The following PLBD1 variants were observed in gnomAD, a reference collection of about 807,000 sequenced individuals.
PLBD1 encodes the protein lysosomal leucine aminopeptidase.
PLBD1 carries 60 observed loss-of-function variants against 63.0 expected under a neutral mutation model. The ratio of observed to expected loss-of-function variants is 0.95; its 90% confidence interval spans 0.77 to 1.18. The LOEUF (loss-of-function observed/expected upper bound fraction) is 1.18. Ranked by LOEUF, PLBD1 falls within the 50% of genes most tolerant of loss-of-function variation. PLBD1 has a pLI of 0.00. For missense variants in PLBD1, 598 were observed against 677.9 expected (o/e 0.88, Z 1.31); for synonymous variants, 262 against 248.0 (o/e 1.06, Z -0.53).
In PLBD1 at chr12:14,520,636, AGG is replaced by A. The variant is rs1468461222; in HGVS notation, c.845-8927_845-8926del. On this transcript the variant is annotated intron_variant, in intron 6 of 10. Coordinates refer to ENST00000240617, the MANE Select transcript of PLBD1 (RefSeq NM_024829.6). ...GTGTTCCGAAGGAGTACAATAAGGG[AGG>A]GGCAGAGACCCAGTGGAGCATGGAG... 6.6e-5 allele frequency among the ~76,000 whole-genome samples: 10 copies of A among 152,338 alleles called. No individual in the cohort carries two copies. The East Asian group carries it at 1.9e-3, about 29-fold the overall frequency.
intron 1 of PLBD1, among the ~76,000 whole-genome samples, chr12:14,558,674 G>A (rs952342383): frequency 2.0e-5 from 3 of 151,980 alleles, no homozygotes; most frequent in Non-Finnish European, 2.9e-5. Flanking sequence ...ATTTCTCATC[G>A]TAAGCACCCC....
At chr12:14,505,276 A>G (rs1248417708) in intron 10 of PLBD1, among the ~76,000 whole-genome samples, 1 of 152,144 alleles carries the variant, frequency 6.6e-6, no homozygotes, top group East Asian at 1.9e-4. Context: ...CAGCATTCCT[A>G]TAATTTTTTG....
intron 6 of PLBD1, among the ~76,000 whole-genome samples, chr12:14,531,480 T>C (rs1945461237): frequency 6.6e-6 from 1 of 152,188 alleles, no homozygotes; most frequent in African/African-American, 2.4e-5. Flanking sequence ...TGACCACAAA[T>C]GCAAGCCTTA....
At chr12:14,532,503 C>A (rs981542210) in intron 6 of PLBD1, among the ~76,000 whole-genome samples, 25 of 152,068 alleles carry the variant, frequency 1.6e-4, no homozygotes, top group African/African-American at 6.0e-4. Context: ...ATGAGAGTCA[C>A]CCCAGGTCAT....
intron 2 of PLBD1, among the ~76,000 whole-genome samples, chr12:14,548,792 CA>C (rs1403718779): frequency 1.3e-5 from 2 of 152,204 alleles, no homozygotes; most frequent in Non-Finnish European, 2.9e-5. Context: ...CACAAAGTAG[CA>C]AAACAAGTGT....
intron 2 of PLBD1, among the ~76,000 whole-genome samples, chr12:14,547,937 G>A (rs1356736039): frequency 6.6e-6 from 1 of 152,004 alleles, no homozygotes; most frequent in East Asian, 1.9e-4. Context: ...CAAGCGTCGT[G>A]ACTTTCAGCT....
chr12:14,560,184 T>C (rs1245265182), intron 1 of PLBD1, among the ~76,000 whole-genome samples: 2 of 152,172 alleles, frequency 1.3e-5, no homozygotes, highest in Admixed American at 1.3e-4. Context: ...TATGAGTTCA[T>C]TGTTTTCAGT....
chr12:14,528,980 T>C (rs916878701), intron 6 of PLBD1, among the ~76,000 whole-genome samples: 1 of 152,086 alleles, frequency 6.6e-6, no homozygotes, highest in Non-Finnish European at 1.5e-5. Flanking sequence ...TAATAACTTT[T>C]CAACAAATAA....
chr12:14,517,837 T>TA (rs1945347479), intron 6 of PLBD1, among the ~76,000 whole-genome samples: 1 of 152,222 alleles, frequency 6.6e-6, no homozygotes, highest in Non-Finnish European at 1.5e-5. Context: ...CAACTGATTT[T>TA]AAAAATACCC....
At chr12:14,547,186 G>GTGTGTA (rs1945622877) in intron 2 of PLBD1, among the ~76,000 whole-genome samples, 1 of 128,680 alleles carries the variant, frequency 7.8e-6, no homozygotes, top group African/African-American at 3.4e-5. Flanking sequence ...GGCTTTGTGT[G>GTGTGTA]TGTGTGTGTG....
At chr12:14,528,802 C>T (rs1274983848) in intron 6 of PLBD1, among the ~76,000 whole-genome samples, 1 of 151,924 alleles carries the variant, frequency 6.6e-6, no homozygotes, top group African/African-American at 2.4e-5. Flanking sequence ...ACAGATCCTA[C>T]AGACATTAAG....
chr12:14,525,123 G>C (rs1945406573), intron 6 of PLBD1, among the ~76,000 whole-genome samples: 2 of 152,120 alleles, frequency 1.3e-5, no homozygotes, highest in Admixed American at 1.3e-4. Context: ...TTAGCCCAGT[G>C]TAGTGGTGCA....
chr12:14,545,599 A>C (rs1340479801), intron 2 of PLBD1, among the ~76,000 whole-genome samples: 1 of 152,158 alleles, frequency 6.6e-6, no homozygotes, highest in African/African-American at 2.4e-5. Context: ...CTTTTCACTG[A>C]TGTAGGGAGT....
rs1945506449 is a variant in PLBD1, at chr12:14,535,638, T to A, written c.844+21A>T. On this transcript the variant is annotated intron_variant, in intron 6 of 10. Coordinates refer to ENST00000240617, the MANE Select transcript of PLBD1 (RefSeq NM_024829.6). ...AGGAATAGTACTCAAAGTGCTCAGA[T>A]GTTCCTTTAAATTCATTTACCTGGG... 4.3e-6 allele frequency: 7 copies of A among 1,612,832 alleles called. No individual in the cohort carries two copies. In the East Asian group the frequency reaches 1.6e-4, roughly 36 times the overall value.
intron 2 of PLBD1, among the ~76,000 whole-genome samples, chr12:14,542,548 CAT>C (rs888202747): frequency 3.9e-5 from 6 of 152,156 alleles, no homozygotes; most frequent in Admixed American, 6.5e-5. Flanking sequence ...ATATTTGCCA[CAT>C]ATATTTTAAA....
chr12:14,521,074 T>C (rs748444646), intron 6 of PLBD1, among the ~76,000 whole-genome samples: 6 of 152,206 alleles, frequency 3.9e-5, no homozygotes, highest in Non-Finnish European at 8.8e-5. Context: ...AAGTACACTG[T>C]GCTTGTAAAC....
chr12:14,504,340 G>A (rs567273411), intron 10 of PLBD1, among the ~76,000 whole-genome samples: 2 of 152,268 alleles, frequency 1.3e-5, no homozygotes, highest in East Asian at 1.9e-4. Flanking sequence ...ATGAGCCACC[G>A]CGCCAGGCCG....
chr12:14,508,717 C>T (rs917370647), intron 8 of PLBD1, among the ~76,000 whole-genome samples: 2 of 152,132 alleles, frequency 1.3e-5, no homozygotes, highest in Non-Finnish European at 2.9e-5. Context: ...TTGTAGTGAG[C>T]CGAGATCACG....
At chr12:14,553,154 G>A (rs1490663894) in intron 2 of PLBD1, 39 bp downstream of exon 2, 3 of 1,534,724 alleles carry the variant, frequency 2.0e-6, no homozygotes, top group Admixed American at 1.9e-5. Flanking sequence ...AAGGACAGGG[G>A]TTGCCTGGCA....
Sources: allele counts gnomAD v4.1 joint callset (sites outside exome capture counted in the v4.1 genomes callset), GRCh38; gene constraint gnomAD v4.1.1; transcripts MANE v1.5; gene names NCBI Gene and HGNC (gene_info 2026-07-23, HGNC 2026-07-21).